The following NMNAT2 variants were observed in gnomAD, a reference collection of about 807,000 sequenced individuals.
NMNAT2 encodes the protein nicotinamide/nicotinic acid mononucleotide adenylyltransferase 2.
In NMNAT2, 11 loss-of-function variants were observed where a neutral mutation model predicts 41.6. The ratio of observed to expected loss-of-function variants is 0.26; its 90% CI spans 0.17 to 0.44. The LOEUF (loss-of-function observed/expected upper bound fraction) is 0.44. NMNAT2 is among the 20% of genes least tolerant of loss of function. NMNAT2 has a pLI of 1.00. For missense variants in NMNAT2, 288 were observed against 407.7 expected, an observed-to-expected ratio of 0.71 and a Z score of 2.53; for synonymous variants, 148 against 151.2, an observed-to-expected ratio of 0.98 and a Z score of 0.16.
At chr1:183,315,772 T>G (rs1267106709) in intron 1 of NMNAT2, among the ~76,000 whole-genome samples, 1 of 109,146 alleles carries the variant, frequency 9.2e-6, no homozygotes, top group Non-Finnish European at 1.8e-5. Context: ...CAAAGCAGAC[T>G]CCGTGTAAAA....
chr1:183,409,368 G>A (rs145824262), intron 1 of NMNAT2, among the ~76,000 whole-genome samples: 43 of 152,138 alleles, frequency 2.8e-4, no homozygotes, highest in African/African-American at 1.0e-3. Flanking sequence ...CCAGGCTAGA[G>A]CACAGTGGCA....
chr1:183,291,759 C>T (rs11589702), intron 3 of NMNAT2, among the ~76,000 whole-genome samples: 29,820 of 152,090 alleles, frequency 0.2, 3,026 homozygotes, highest in South Asian at 0.28. Context: ...TTCTTGCCTA[C>T]GGGTGTATCA....
chr1:183,399,254 C>T (rs1178691474), intron 1 of NMNAT2, among the ~76,000 whole-genome samples: 4 of 149,938 alleles, frequency 2.7e-5, no homozygotes, highest in East Asian at 3.9e-4. Flanking sequence ...CACGGAAATA[C>T]AGACTACCGT....
chr1:183,282,594 C>G (rs1047121531), intron 7 of NMNAT2, among the ~76,000 whole-genome samples: 1 of 152,246 alleles, frequency 6.6e-6, no homozygotes, highest in African/African-American at 2.4e-5. Context: ...CTGAGCTCTG[C>G]TGGCCAAGGA....
intron 1 of NMNAT2, among the ~76,000 whole-genome samples, chr1:183,298,236 A>G (rs1268257695): frequency 1.3e-5 from 2 of 152,242 alleles, no homozygotes; most frequent in Non-Finnish European, 2.9e-5. Flanking sequence ...ATACAGATAA[A>G]AAAAGGAAAA....
intron 5 of NMNAT2, among the ~76,000 whole-genome samples, chr1:183,286,026 C>A (rs1467959367): frequency 6.6e-6 from 1 of 152,108 alleles, no homozygotes; most frequent in Non-Finnish European, 1.5e-5. Context: ...GAGAAAAATG[C>A]TCCATTTTGT....
Position 183,413,602 on chromosome 1 carries a change from C to CTTTT in NMNAT2, c.85+4577_85+4580dup, listed in dbSNP as rs71130613. 2.8e-3 allele frequency among the ~76,000 whole-genome samples: 227 copies of CTTTT among 82,438 alleles called. 3 individuals are homozygous for CTTTT. Among genetic ancestry groups the CTTTT allele is most frequent in the African/African-American group, 6.4e-3 (137 of 21,382 alleles). 54.1% of individuals were successfully genotyped at this position (82,438 alleles called of 152,430 possible). A position where few individuals can be genotyped will look rare whatever the true frequency, so the allele number is the denominator to read the frequency against. ...AAGAAATATTAATTTTCTTTTCTTT[C>CTTTT]TTTTTTTTTTTTTTTTTTTTTTGAG... On this transcript the variant is annotated intron_variant, in intron 1 of 10. Transcript: ENST00000287713.
chr1:183,365,908 C>T (rs1343576848), intron 1 of NMNAT2, among the ~76,000 whole-genome samples: 1 of 152,326 alleles, frequency 6.6e-6, no homozygotes. Context: ...GCACAGACTG[C>T]AGATAAACCA....
intron 4 of NMNAT2, among the ~76,000 whole-genome samples, chr1:183,289,538 T>C (rs17541993): frequency 0.024 from 3,712 of 152,310 alleles, 93 homozygotes; most frequent in South Asian, 0.083. Context: ...CTCAGATATG[T>C]GGACTCCTCT....
chr1:183,324,546 C>A (rs768369999), intron 1 of NMNAT2, among the ~76,000 whole-genome samples: 3 of 152,192 alleles, frequency 2.0e-5, no homozygotes, highest in Non-Finnish European at 4.4e-5. Flanking sequence ...TCACCATCCT[C>A]AGTTCAAGCC....
At chr1:183,301,041 T>C (rs1297601513) in intron 1 of NMNAT2, among the ~76,000 whole-genome samples, 1 of 152,260 alleles carries the variant, frequency 6.6e-6, no homozygotes, top group Non-Finnish European at 1.5e-5. Flanking sequence ...GAGTCAGATC[T>C]CGCCTTTATT....
intron 1 of NMNAT2, among the ~76,000 whole-genome samples, chr1:183,415,095 C>T (rs1649218413): frequency 6.6e-6 from 1 of 152,198 alleles, no homozygotes; most frequent in Non-Finnish European, 1.5e-5. Flanking sequence ...CATCCTCCCA[C>T]CTCAGCCTCC....
chr1:183,376,468 A>T (rs935579656), intron 1 of NMNAT2, among the ~76,000 whole-genome samples: 1 of 152,192 alleles, frequency 6.6e-6, no homozygotes, highest in African/African-American at 2.4e-5. Context: ...ACTTCACTTT[A>T]TTGAAGGCTA....
At chr1:183,358,023 T>C (rs1213420684) in intron 1 of NMNAT2, among the ~76,000 whole-genome samples, 1 of 152,164 alleles carries the variant, frequency 6.6e-6, no homozygotes, top group African/African-American at 2.4e-5. Context: ...TCAACCTAAA[T>C]ACCCATCAAT....
intron 1 of NMNAT2, among the ~76,000 whole-genome samples, chr1:183,406,423 G>A (rs1557902206): frequency 6.6e-6 from 1 of 152,152 alleles, no homozygotes; most frequent in South Asian, 2.1e-4. Flanking sequence ...ACACATGGGA[G>A]TCTCAGGAAG....
In NMNAT2 at chr1:183,330,032, C is replaced by G. The variant is rs568812388; in HGVS notation, c.86-36239G>C. Among the ~76,000 whole-genome samples the G allele has an allele frequency of 1.4e-4, 21 of 152,314 alleles. No homozygotes were observed. In the South Asian group the frequency reaches 4.2e-3, roughly 30 times the overall value. ...ATATCGAACGGGGAGACAAGGGGAG[C>G]CACCATGAGATGCAGCAAAACAGTG... On this transcript the variant is annotated intron_variant, in intron 1 of 10. Transcript: ENST00000287713.
At chr1:183,321,648 A>G (rs1662357854) in intron 1 of NMNAT2, among the ~76,000 whole-genome samples, 1 of 152,088 alleles carries the variant, frequency 6.6e-6, no homozygotes, top group South Asian at 2.1e-4. Flanking sequence ...AGGTTGAGGT[A>G]GGAGAATAGC....
chr1:183,319,333 C>A (rs760495511), intron 1 of NMNAT2, among the ~76,000 whole-genome samples: 1 of 152,248 alleles, frequency 6.6e-6, no homozygotes, highest in African/African-American at 2.4e-5. Context: ...CTTATAAACA[C>A]CAGAGAATGA....
intron 1 of NMNAT2, among the ~76,000 whole-genome samples, chr1:183,370,275 C>CAG (rs1663506303): frequency 6.8e-6 from 1 of 146,942 alleles, no homozygotes; most frequent in South Asian, 2.2e-4. Context: ...CACACACACA[C>CAG]AGGCTGCAGT....
Sources: gnomAD v4.1 joint callset for allele counts (sites outside exome capture counted in the v4.1 genomes callset) on GRCh38, gnomAD v4.1.1 for gene constraint, MANE v1.5 for transcripts, NCBI Gene and HGNC (gene_info 2026-07-23, HGNC 2026-07-21) for gene names.